RCBTB2: variants seen among roughly 807,000 people sequenced by gnomAD.
RCBTB2 encodes RCC1 and BTB domain containing protein 2, also known as RCC1 and BTB domain-containing protein 2.
RCBTB2 carries 55 observed loss-of-function variants against 65.4 expected under a neutral mutation model. The observed-to-expected ratio is 0.84, with a 90% CI of 0.68 to 1.05. The LOEUF (loss-of-function observed/expected upper bound fraction) is 1.05, where lower values mean the gene tolerates loss of function less well. Ranked by LOEUF, RCBTB2 falls within the 50% of genes least tolerant of loss-of-function variation. The probability of loss-of-function intolerance (pLI) is 0.00; values close to 1 mark genes in which losing one functional copy is unlikely to be tolerated. For missense variants in RCBTB2, 599 were observed against 680.1 expected (o/e 0.88, Z 1.33); for synonymous variants, 220 against 255.2 (o/e 0.86, Z 1.31).
intron 12 of RCBTB2, among the ~76,000 whole-genome samples, chr13:48,500,350 G>A (rs1272557284): frequency 6.6e-6 from 1 of 152,160 alleles, no homozygotes; most frequent in Non-Finnish European, 1.5e-5. Flanking sequence ...ACGAGGTCAG[G>A]AGTTTGAGAC....
chr13:48,496,809 GGGAGGGGAGA>G (rs1305817887), intron 13 of RCBTB2, among the ~76,000 whole-genome samples: 4 of 133,506 alleles, frequency 3.0e-5, no homozygotes, highest in Non-Finnish European at 4.9e-5. Flanking sequence ...GGGAGAGGAG[GGGAGGGGAGA>G]GGAGGGGAGG....
chr13:48,501,881 T>C lies in RCBTB2; in HGVS notation c.1118-13A>G. 3 of 1,612,416 alleles carry C rather than the reference T, an allele frequency of 1.9e-6. No homozygotes were observed. The highest frequency in any genetic ancestry group is 2.5e-6 in the Non-Finnish European group (3 of 1,179,276). ...TGGTCATCAGGTTCTAGGAGAATAA[T>C]GCAAATGCTTCCAGAGTTAGCTACA... On this transcript the variant is annotated splice_polypyrimidine_tract_variant and intron_variant, in intron 11 of 14. Transcript: ENST00000344532.
At chr13:48,517,806 C>G (rs571319941) in intron 4 of RCBTB2, among the ~76,000 whole-genome samples, 2 of 152,164 alleles carry the variant, frequency 1.3e-5, no homozygotes, top group African/African-American at 2.4e-5. Flanking sequence ...GGCTTCCCCC[C>G]AAAGTCCAAA....
intron 14 of RCBTB2, among the ~76,000 whole-genome samples, chr13:48,495,948 T>C (rs1949946107): frequency 6.6e-6 from 1 of 151,838 alleles, no homozygotes; most frequent in Admixed American, 6.5e-5. Flanking sequence ...TATTTTTAAG[T>C]GGATAAAAGT....
chr13:48,498,543 C>T (rs1333783122), intron 13 of RCBTB2, among the ~76,000 whole-genome samples: 8 of 152,096 alleles, frequency 5.3e-5, no homozygotes, highest in Admixed American at 5.2e-4. Context: ...CCAGCCTGAC[C>T]AACACGGAGA....
At chr13:48,526,126 C>T (rs1165868266) in intron 1 of RCBTB2, among the ~76,000 whole-genome samples, 5 of 152,140 alleles carry the variant, frequency 3.3e-5, no homozygotes, top group Non-Finnish European at 7.4e-5. Flanking sequence ...AGAAAATAAA[C>T]TCTTAAAATG....
intron 2 of RCBTB2, among the ~76,000 whole-genome samples, chr13:48,522,986 C>T (rs1475927704): frequency 1.3e-5 from 2 of 152,120 alleles, no homozygotes; most frequent in Non-Finnish European, 2.9e-5. Context: ...TACGAGAAAT[C>T]ATAATTTATT....
At chr13:48,499,834 T>C in intron 12 of RCBTB2, 74 bp from the exon 13 acceptor site, 1 of 1,569,928 alleles carries the variant, frequency 6.4e-7, no homozygotes, top group Non-Finnish European at 8.7e-7. Flanking sequence ...GACCACGTTC[T>C]TCTCTCGAAG....
At chr13:48,514,270 G>A (rs1479962952) in intron 6 of RCBTB2, among the ~76,000 whole-genome samples, 1 of 152,218 alleles carries the variant, frequency 6.6e-6, no homozygotes, top group African/African-American at 2.4e-5. Context: ...TAACGGGTGG[G>A]AGTGTCTATG....
intron 4 of RCBTB2, among the ~76,000 whole-genome samples, chr13:48,518,910 TC>T (rs1376128503): frequency 6.6e-6 from 1 of 152,198 alleles, no homozygotes; most frequent in Non-Finnish European, 1.5e-5. Context: ...CTATTTTAAG[TC>T]TGTAAATTTC....
rs769890655 is a variant in RCBTB2 at position 48,496,249 on chromosome 13, C to G, written c.1457G>C (p.Gly486Ala). The change falls in exon 14 of 15, where the codon GGC (glycine) becomes GCC (alanine). Residue 486 changes from glycine to alanine, a missense_variant. By Grantham distance (60) the Gly-to-Ala change is moderately conservative. Coordinates refer to ENST00000344532, the MANE Select transcript of RCBTB2 (RefSeq NM_001268.4). The part of the protein sequence containing the change: ...KKLCQQTIKQ[G>A]ICEENAIALL... ...AGCGATGGCATTCTCCTCGCAGATG[C>G]CTTGCTTGATAGTTTGTTGGCAGAG... is the stretch of plus-strand genomic sequence containing the variant. 20 of 1,594,452 alleles carry G rather than the reference C, an allele frequency of 1.3e-5. No individual in the cohort carries two copies. Among genetic ancestry groups the G allele is most frequent in the Non-Finnish European group, 1.7e-5 (20 of 1,170,332 alleles).
Position 48,501,742 on chromosome 13 carries a change from C to T in RCBTB2, c.1244G>A (p.Arg415Gln), listed in dbSNP as rs756972614. 5.0e-6 allele frequency: 8 copies of T among 1,608,172 alleles called. No homozygotes were observed. The African/African-American group carries it at 9.4e-5, about 19-fold the overall frequency. Residue 415 changes from arginine (R) to glutamine (Q), a missense_variant and splice_region_variant, in exon 12 of 15, where the codon CGA becomes CAA. By Grantham distance (43) the Arg-to-Gln change is conservative. Transcript: ENST00000344532. ...IYAHKVLLKI[R>Q]CEHFRSSLED... ...AATTCTCAAATAAATGATTCCTTAC[C>T]GAATCTTGAGAAGGACTTTATGTGC...
intron 1 of RCBTB2, among the ~76,000 whole-genome samples, chr13:48,530,691 C>A (rs1354694450): frequency 1.3e-5 from 2 of 152,232 alleles, no homozygotes; most frequent in Non-Finnish European, 2.9e-5. Context: ...ACTGTGGAGA[C>A]AACGTACAGT....
chr13:48,512,619 T>G, intron 7 of RCBTB2, 110 bp downstream of exon 7: 1 of 930,688 alleles, frequency 1.1e-6, no homozygotes, highest in Non-Finnish European at 1.6e-6. Context: ...TAAGGCTGAA[T>G]TTGAGGGAGG....
At chr13:48,500,341 C>T (rs559222492) in intron 12 of RCBTB2, among the ~76,000 whole-genome samples, 8 of 152,212 alleles carry the variant, frequency 5.3e-5, no homozygotes, top group African/African-American at 1.2e-4. Flanking sequence ...GGGTGGATCA[C>T]GAGGTCAGGA....
At position 48,489,833 on chromosome 13, in the gene RCBTB2, G is replaced by T; in HGVS notation, c.*278C>A. 3.3e-5 allele frequency: 14 copies of T among 429,102 alleles called. No homozygotes were observed. The South Asian group carries it at 3.3e-4, about 10-fold the overall frequency. The allele number at this position is 429,102 out of a possible 1,614,324, so 26.6% of individuals were successfully genotyped here. ...ATATACTGAGACCAGGGTACCAAAG[G>T]TGTCCAATTTAAGTGACTCAAAAAG... On this transcript the variant is annotated 3_prime_UTR_variant, in exon 15 of 15. Coordinates refer to ENST00000344532, the MANE Select transcript of RCBTB2 (RefSeq NM_001268.4).
At chr13:48,531,278 T>A (rs1952103557) in intron 1 of RCBTB2, among the ~76,000 whole-genome samples, 1 of 152,206 alleles carries the variant, frequency 6.6e-6, no homozygotes, top group African/African-American at 2.4e-5. Flanking sequence ...AGTAAAAAAA[T>A]ATCTCTGGAG....
intron 10 of RCBTB2, among the ~76,000 whole-genome samples, chr13:48,508,986 A>G (rs534007144): frequency 6.6e-6 from 1 of 152,290 alleles, no homozygotes; most frequent in Admixed American, 6.5e-5. Flanking sequence ...ATTCTGTGAG[A>G]CCAGGGATGG....
At chr13:48,530,249 T>C (rs1348893771) in intron 1 of RCBTB2, among the ~76,000 whole-genome samples, 2 of 152,200 alleles carry the variant, frequency 1.3e-5, no homozygotes, top group East Asian at 3.8e-4. Context: ...AGCAGTATCT[T>C]GGGGCATTTA....
Sources: allele counts gnomAD v4.1 joint callset (sites outside exome capture counted in the v4.1 genomes callset), GRCh38; gene constraint gnomAD v4.1.1; transcripts MANE v1.5; gene names NCBI Gene and HGNC (gene_info 2026-07-23, HGNC 2026-07-21).